Variants in CSTPP1 observed in about 807,000 individuals in gnomAD.
CSTPP1 encodes the protein UPF0705 protein C11orf49.
the CSTPP1 span, among the ~76,000 whole-genome samples, chr11:47,027,469 G>A: frequency 2.0e-5 from 3 of 152,172 alleles, no homozygotes; most frequent in African/African-American, 4.8e-5. Context: ...TTCCTTAGCA[G>A]CAGCCCCCAG....
At chr11:47,161,493 C>T in the CSTPP1 span, 10 of 1,613,928 alleles carry the variant, frequency 6.2e-6, no homozygotes, top group South Asian at 8.8e-5. Flanking sequence ...CTGGTCAACT[C>T]GGTCACAGCC....
At chr11:47,112,940 G>A in the CSTPP1 span, among the ~76,000 whole-genome samples, 11 of 152,096 alleles carry the variant, frequency 7.2e-5, no homozygotes, top group Admixed American at 1.3e-4. Context: ...TGCTGCACCC[G>A]TCAACTCATC....
chr11:47,017,329 C>G, the CSTPP1 span, among the ~76,000 whole-genome samples: 2 of 151,930 alleles, frequency 1.3e-5, no homozygotes, highest in African/African-American at 4.8e-5. Flanking sequence ...TGCATGCCAC[C>G]ACGCCCAGCT....
chr11:46,983,093 G>T, the CSTPP1 span, among the ~76,000 whole-genome samples: 2 of 152,064 alleles, frequency 1.3e-5, no homozygotes, highest in Admixed American at 6.6e-5. Flanking sequence ...TCAGCATGTA[G>T]CAATAATAAT....
At chr11:46,979,320 A>G in the CSTPP1 span, among the ~76,000 whole-genome samples, 20 of 152,212 alleles carry the variant, frequency 1.3e-4, no homozygotes, top group Non-Finnish European at 2.6e-4. Context: ...GTTTGAAAAC[A>G]TGAGTGGCAT....
the CSTPP1 span, among the ~76,000 whole-genome samples, chr11:47,031,879 G>A: frequency 6.6e-6 from 1 of 152,088 alleles, no homozygotes; most frequent in Non-Finnish European, 1.5e-5. Context: ...GCAAGCTGAG[G>A]AGCAAGGATA....
chr11:46,939,079 C>T, the CSTPP1 span, among the ~76,000 whole-genome samples: 1 of 136,062 alleles, frequency 7.3e-6, no homozygotes, highest in East Asian at 2.4e-4. Context: ...ACCTGGCTTA[C>T]ATCTTTTTTT....
At chr11:47,043,596 A>G in the CSTPP1 span, among the ~76,000 whole-genome samples, 5 of 152,344 alleles carry the variant, frequency 3.3e-5, no homozygotes, top group South Asian at 8.3e-4. Context: ...ATACGCTGAA[A>G]TTCTAAAATA....
the CSTPP1 span, among the ~76,000 whole-genome samples, chr11:47,087,858 G>A: frequency 6.6e-6 from 1 of 152,180 alleles, no homozygotes; most frequent in Non-Finnish European, 1.5e-5. Context: ...GCTTACTGGG[G>A]TGGTTCTGGC....
At chr11:47,070,609 TAAA>T in the CSTPP1 span, among the ~76,000 whole-genome samples, 1 of 152,178 alleles carries the variant, frequency 6.6e-6, no homozygotes, top group African/African-American at 2.4e-5. Flanking sequence ...AGGGTGCTTT[TAAA>T]AAATACTGTT....
chr11:46,983,188 C>A, the CSTPP1 span, among the ~76,000 whole-genome samples: 1 of 152,100 alleles, frequency 6.6e-6, no homozygotes, highest in African/African-American at 2.4e-5. Flanking sequence ...TAGAATCATA[C>A]CCATTTTATA....
the CSTPP1 span, among the ~76,000 whole-genome samples, chr11:47,153,732 C>T: frequency 2.6e-5 from 4 of 152,294 alleles, no homozygotes; most frequent in African/African-American, 9.6e-5. Flanking sequence ...ATCTGTATTA[C>T]AATAAAGACT....
the CSTPP1 span, among the ~76,000 whole-genome samples, chr11:47,060,258 C>CTTTTTTTTTTTTTTT: frequency 1.0e-4 from 10 of 99,014 alleles, no homozygotes; most frequent in East Asian, 2.6e-4. Context: ...CTTTTCTTTT[C>CTTTTTTTTTTTTTTT]TTTTTTTTTT....
chr11:47,160,366 T>C, the CSTPP1 span: 1 of 149,644 alleles, frequency 6.7e-6, no homozygotes, highest in Non-Finnish European at 1.5e-5. Flanking sequence ...CATTGGGTGG[T>C]TGGATGGAAT....
chr11:47,107,330 T>C, the CSTPP1 span, among the ~76,000 whole-genome samples: 8 of 152,292 alleles, frequency 5.3e-5, no homozygotes, highest in Non-Finnish European at 1.0e-4. Flanking sequence ...TTGAGTCCTT[T>C]CATTTCCTGG....
chr11:47,118,037 G>C, the CSTPP1 span, among the ~76,000 whole-genome samples: 52 of 151,752 alleles, frequency 3.4e-4, no homozygotes, highest in East Asian at 9.7e-3. Context: ...CTGCCACCAC[G>C]CCCAGCTAAT....
the CSTPP1 span, among the ~76,000 whole-genome samples, chr11:47,133,239 G>T: frequency 5.9e-5 from 9 of 152,194 alleles, no homozygotes; most frequent in African/African-American, 2.2e-4. Context: ...CCACATAATT[G>T]GTGAGACTAG....
the CSTPP1 span, among the ~76,000 whole-genome samples, chr11:47,034,667 A>C: frequency 6.6e-6 from 1 of 151,860 alleles, no homozygotes; most frequent in East Asian, 1.9e-4. Context: ...CAGTCGGCTA[A>C]TTTTTATTTT....
At chr11:47,014,412 A>G in the CSTPP1 span, among the ~76,000 whole-genome samples, 3 of 151,748 alleles carry the variant, frequency 2.0e-5, no homozygotes, top group Non-Finnish European at 4.4e-5. Context: ...AAGGAAAGAA[A>G]GAAAGCCTGG....
Sources: allele counts gnomAD v4.1 joint callset (sites outside exome capture counted in the v4.1 genomes callset), GRCh38; gene constraint gnomAD v4.1.1; transcripts MANE v1.5; gene names NCBI Gene and HGNC (gene_info 2026-07-23, HGNC 2026-07-21).